The following PCNX2 variants were observed in gnomAD, a reference collection of about 807,000 sequenced individuals.
The protein encoded by PCNX2 is pecanex-like protein 2.
PCNX2 carries 168 observed loss-of-function variants against 223.8 expected under a neutral mutation model. The observed-to-expected ratio is 0.75, with a 90% CI of 0.66 to 0.85. The LOEUF (loss-of-function observed/expected upper bound fraction) is 0.85. Ranked by LOEUF, PCNX2 falls within the 40% of genes least tolerant of loss-of-function variation. The pLI is 0.00. For missense variants in PCNX2, 2,507 were observed against 2,675.5 expected (o/e 0.94, Z 1.39); for synonymous variants, 1,006 against 1,052.6 (o/e 0.96, Z 0.86).
chr1:233,312,594 G>T, the PCNX2 span, among the ~76,000 whole-genome samples: 4 of 151,996 alleles, frequency 2.6e-5, no homozygotes, highest in African/African-American at 9.7e-5. Context: ...TAAACAAGAC[G>T]AAAAACCCTT....
At chr1:233,322,871 T>G in the PCNX2 span, among the ~76,000 whole-genome samples, 1 of 152,080 alleles carries the variant, frequency 6.6e-6, no homozygotes, top group Non-Finnish European at 1.5e-5. Flanking sequence ...TACGATTTCC[T>G]CTACCCTTCT....
chr1:232,984,392 G>T lies in PCNX2; in HGVS notation c.6326C>A (p.Thr2109Asn). 6.2e-7 allele frequency: 1 copy of T among 1,613,750 alleles called. No individual in the cohort carries two copies. Among genetic ancestry groups the T allele is most frequent in the Non-Finnish European group, 8.5e-7 (1 of 1,179,864 alleles). Reference protein sequence around the residue: ...DRCLAEAVADTLGVVCRRASQ... With the variant: ...DRCLAEAVADNLGVVCRRASQ... ...TGCTCTCCTGCAGACAACCCCGAGA[G>T]TGTCCGCCACAGCCTCAGCCAGACA... The change falls in exon 34 of 34, where the codon ACT (threonine) becomes AAT (asparagine). Residue 2109 changes from threonine (T) to asparagine (N), a missense_variant. Physicochemically the swap from Thr to Asn is moderately conservative, Grantham distance 65. Transcript: ENST00000258229.
chr1:233,259,477 T>C (rs1003772175), intron 4 of PCNX2, 133 bp from the exon 5 acceptor site: 1 of 1,300,160 alleles, frequency 7.7e-7, no homozygotes, highest in East Asian at 2.5e-5. Flanking sequence ...TTAATTTTAC[T>C]TTAAGTTCTG....
chr1:233,276,277 A>G (rs1344078374), intron 1 of PCNX2, among the ~76,000 whole-genome samples: 1 of 152,206 alleles, frequency 6.6e-6, no homozygotes, highest in African/African-American at 2.4e-5. Context: ...ATTCAAACTC[A>G]TAGAGACAAA....
chr1:233,161,090 C>T (rs1456285888), intron 18 of PCNX2, among the ~76,000 whole-genome samples, 181 bp downstream of exon 18: 1 of 152,190 alleles, frequency 6.6e-6, no homozygotes, highest in Non-Finnish European at 1.5e-5. Flanking sequence ...GTGATGTGGA[C>T]CAAGTCACAT....
At chr1:233,114,978 T>C (rs1261121424) in intron 21 of PCNX2, among the ~76,000 whole-genome samples, 2 of 151,910 alleles carry the variant, frequency 1.3e-5, no homozygotes, top group South Asian at 2.1e-4. Context: ...GATTAAACAA[T>C]GCAAAACACA....
chr1:233,246,970 A>G (rs1302789100), intron 8 of PCNX2, among the ~76,000 whole-genome samples: 1 of 152,274 alleles, frequency 6.6e-6, no homozygotes, highest in African/African-American at 2.4e-5. Flanking sequence ...TCTGCAAAAG[A>G]CAAAGCTTAT....
intron 13 of PCNX2, among the ~76,000 whole-genome samples, chr1:233,205,834 T>C (rs906357964): frequency 2.0e-5 from 3 of 152,234 alleles, no homozygotes; most frequent in African/African-American, 7.2e-5. Context: ...GCAGGGTCTC[T>C]GCTTTGCCTT....
intron 13 of PCNX2, among the ~76,000 whole-genome samples, chr1:233,200,974 C>A (rs1168156982): frequency 7.2e-6 from 1 of 139,354 alleles, no homozygotes; most frequent in Admixed American, 7.8e-5. Context: ...TGCAGTGAGC[C>A]GAGATTGCAC....
intron 21 of PCNX2, among the ~76,000 whole-genome samples, chr1:233,119,182 A>G (rs1205921623): frequency 6.6e-6 from 1 of 151,972 alleles, no homozygotes; most frequent in Non-Finnish European, 1.5e-5. Flanking sequence ...AAGCAAAACA[A>G]ATAACCCTTT....
chr1:233,151,978 C>T (rs1442029575), intron 19 of PCNX2, among the ~76,000 whole-genome samples: 3 of 152,248 alleles, frequency 2.0e-5, no homozygotes, highest in Admixed American at 6.5e-5. Context: ...AACTGATTTC[C>T]ACTTTTCTTT....
chr1:233,229,280 G>C (rs577148920), intron 9 of PCNX2, among the ~76,000 whole-genome samples: 4 of 152,300 alleles, frequency 2.6e-5, no homozygotes, highest in East Asian at 3.9e-4. Context: ...AGGGAAAGTT[G>C]ATCTATCATG....
chr1:233,202,643 C>T (rs1681189919), intron 13 of PCNX2, among the ~76,000 whole-genome samples: 1 of 152,092 alleles, frequency 6.6e-6, no homozygotes, highest in South Asian at 2.1e-4. Flanking sequence ...AGGAATGGGA[C>T]GTCTGGGTGT....
At chr1:233,133,325 T>C (rs908742441) in intron 21 of PCNX2, among the ~76,000 whole-genome samples, 3 of 152,206 alleles carry the variant, frequency 2.0e-5, no homozygotes, top group Admixed American at 1.3e-4. Context: ...CAGAAATTGA[T>C]AGTTAATGAA....
At chr1:233,053,358 G>C (rs1001057655) in intron 25 of PCNX2, among the ~76,000 whole-genome samples, 2 of 151,940 alleles carry the variant, frequency 1.3e-5, no homozygotes, top group South Asian at 2.1e-4. Context: ...TCCTCTCCAG[G>C]CCCTCCTCGA....
rs192265713 is a variant in PCNX2 at position 233,139,942 on chromosome 1, C to A, written c.3518-87G>T. Reference sequence around the variant, plus strand: ...AGGTAATAATAAGTAATATTCCCCCCCTTTAATTCAAAAGCTGCTAATTAA... The same window carrying A: ...AGGTAATAATAAGTAATATTCCCCCACTTTAATTCAAAAGCTGCTAATTAA... On this transcript the variant is annotated intron_variant, in intron 19 of 33. Coordinates refer to ENST00000258229, the MANE Select transcript of PCNX2 (RefSeq NM_014801.4). This position sits in a 1 kb window ranked among gnomAD's most constrained non-coding sequence, Gnocchi z 4.4. The A allele has an allele frequency of 2.0e-4, 284 of 1,456,164 alleles. No individual in the cohort carries two copies. The African/African-American group carries it at 3.5e-3, about 18-fold the overall frequency. 90.2% of individuals were successfully genotyped at this position (1,456,164 alleles called of 1,614,324 possible).
At chr1:233,276,358 T>C (rs12130559) in intron 1 of PCNX2, among the ~76,000 whole-genome samples, 40,661 of 151,954 alleles carry the variant, frequency 0.27, 6,206 homozygotes, top group African/African-American at 0.43. Context: ...GGGAATGGAA[T>C]TTCAGTTTGG....
intron 28 of PCNX2, among the ~76,000 whole-genome samples, chr1:233,005,402 G>A (rs1255309466): frequency 6.6e-6 from 1 of 152,220 alleles, no homozygotes; most frequent in Non-Finnish European, 1.5e-5. Flanking sequence ...TCACTCAGCA[G>A]CAGGAGAAAG....
At chr1:233,285,189 C>CA (rs2103023452) in intron 1 of PCNX2, 1 of 172,594 alleles carries the variant, frequency 5.8e-6, no homozygotes, top group African/African-American at 2.4e-5. Context: ...CCCGTCTCTA[C>CA]AAAAAATAAG....
Sources: gnomAD v4.1 joint callset for allele counts (sites outside exome capture counted in the v4.1 genomes callset) on GRCh38, gnomAD v4.1.1 for gene constraint, Gnocchi (gnomAD v3.1) non-coding constraint, MANE v1.5 for transcripts, NCBI Gene and HGNC (gene_info 2026-07-23, HGNC 2026-07-21) for gene names.